Variants in TMEM156 observed in about 807,000 individuals in gnomAD.
The protein encoded by TMEM156 is transmembrane protein 156.
A neutral mutation model predicts 30.5 loss-of-function variants in TMEM156; 28 were observed. The ratio of observed to expected loss-of-function variants is 0.92; its 90% confidence interval spans 0.68 to 1.26. The LOEUF is 1.26. TMEM156 is among the 50% of genes most tolerant of loss of function. The pLI is 0.00. For missense variants in TMEM156, 351 were observed against 340.6 expected (o/e 1.03, Z -0.24); for synonymous variants, 137 against 119.9 (o/e 1.14, Z -0.93).
intron 5 of TMEM156, among the ~76,000 whole-genome samples, chr4:38,974,273 T>C (rs1282532618): frequency 6.6e-6 from 1 of 150,794 alleles, no homozygotes; most frequent in Non-Finnish European, 1.5e-5. Context: ...GGTGCCATCA[T>C]GGCTCACTGC....
chr4:38,992,721 TATAATATATATATAATATATAATATA>T (rs1560366974), intron 3 of TMEM156, among the ~76,000 whole-genome samples: 111 of 50,302 alleles, frequency 2.2e-3, no homozygotes, highest in Non-Finnish European at 3.2e-3. Context: ...ATTATATATA[TATAATATATATATAATATATAATATA>T]TTATATATAT....
At chr4:38,993,667 A>G in intron 3 of TMEM156, 71 bp downstream of exon 3, 2 of 1,365,464 alleles carry the variant, frequency 1.5e-6, no homozygotes, top group Non-Finnish European at 2.0e-6. Context: ...AGTTAATGTG[A>G]TAGCCCTTAC....
chr4:38,972,340 G>A (rs757037092), intron 5 of TMEM156, among the ~76,000 whole-genome samples: 1 of 130,854 alleles, frequency 7.6e-6, no homozygotes, highest in Non-Finnish European at 1.5e-5. Flanking sequence ...TGCAACCTCC[G>A]CCTCCTGGGT....
At chr4:39,018,032 G>C (rs73124066) in intron 1 of TMEM156, among the ~76,000 whole-genome samples, 2,472 of 152,096 alleles carry the variant, frequency 0.016, 63 homozygotes, top group African/African-American at 0.056. Context: ...TATTATTAAT[G>C]CTTCCTATTT....
intron 5 of TMEM156, among the ~76,000 whole-genome samples, 191 bp from the exon 6 acceptor site, chr4:38,971,328 C>T (rs1722587436): frequency 1.3e-5 from 2 of 152,136 alleles, no homozygotes; most frequent in African/African-American, 4.8e-5. Context: ...AACTCCTCAC[C>T]CCACGTCCTG....
At chr4:39,013,425 G>A (rs1047149317) in intron 1 of TMEM156, among the ~76,000 whole-genome samples, 3 of 150,604 alleles carry the variant, frequency 2.0e-5, no homozygotes, top group Non-Finnish European at 3.0e-5. Flanking sequence ...TTATTAAGAC[G>A]GAGTCTTGCT....
chr4:38,968,197 G>C (rs1722433798), intron 6 of TMEM156, among the ~76,000 whole-genome samples: 1 of 152,088 alleles, frequency 6.6e-6, no homozygotes, highest in African/African-American at 2.4e-5. Context: ...CAGCATGTTT[G>C]GTTTATTTTC....
chr4:39,007,204 A>G (rs547086454), intron 1 of TMEM156, among the ~76,000 whole-genome samples: 2 of 152,136 alleles, frequency 1.3e-5, no homozygotes, highest in Non-Finnish European at 2.9e-5. Context: ...TTTCCTGTAT[A>G]CAAGCTCTTA....
intron 5 of TMEM156, among the ~76,000 whole-genome samples, chr4:38,974,081 GTGTA>G (rs1411822920): frequency 6.7e-5 from 10 of 149,406 alleles, no homozygotes; most frequent in Admixed American, 2.7e-4. Flanking sequence ...GTGTGTGTGT[GTGTA>G]TGTGTGTGTG....
intron 1 of TMEM156, among the ~76,000 whole-genome samples, chr4:39,025,771 A>T (rs1715165094): frequency 6.6e-6 from 1 of 152,216 alleles, no homozygotes. Flanking sequence ...GGGTAAAAAG[A>T]CACATACCTT....
intron 1 of TMEM156, among the ~76,000 whole-genome samples, chr4:39,020,561 T>A (rs1459749281): frequency 1.3e-5 from 2 of 152,194 alleles, no homozygotes; most frequent in East Asian, 1.9e-4. Flanking sequence ...GAATTTTTTT[T>A]ATTTTTTTTG....
intron 1 of TMEM156, among the ~76,000 whole-genome samples, chr4:39,027,579 G>A (rs549369574): frequency 1.5e-5 from 2 of 135,424 alleles, no homozygotes; most frequent in South Asian, 2.4e-4. Flanking sequence ...TTTTTGAGAC[G>A]GAGTCTTGCT....
chr4:39,015,397 C>A (rs774014241), intron 1 of TMEM156, among the ~76,000 whole-genome samples: 2 of 152,068 alleles, frequency 1.3e-5, no homozygotes, highest in African/African-American at 2.4e-5. Context: ...GCAGAAGAGT[C>A]AATGTCAGAG....
chr4:38,993,470 A>T (rs1027392032), intron 3 of TMEM156, among the ~76,000 whole-genome samples: 3 of 150,150 alleles, frequency 2.0e-5, no homozygotes, highest in Non-Finnish European at 4.5e-5. Flanking sequence ...ATAAAAAAAA[A>T]TTATTCTGAG....
chr4:38,983,043 G>A (rs1711702044), intron 5 of TMEM156, among the ~76,000 whole-genome samples: 1 of 152,172 alleles, frequency 6.6e-6, no homozygotes, highest in Non-Finnish European at 1.5e-5. Flanking sequence ...ATCCTGAGGA[G>A]AGATGCAAAG....
At chr4:39,019,047 AAAC>A (rs1347771178) in intron 1 of TMEM156, among the ~76,000 whole-genome samples, 4 of 148,392 alleles carry the variant, frequency 2.7e-5, no homozygotes, top group African/African-American at 1.0e-4. Flanking sequence ...AAAAAAAAAA[AAAC>A]CTCTTCAGTT....
intron 1 of TMEM156, among the ~76,000 whole-genome samples, chr4:39,017,083 G>A (rs1045638575): frequency 6.6e-6 from 1 of 151,718 alleles, no homozygotes; most frequent in Admixed American, 6.6e-5. Context: ...CCTCCACCTG[G>A]TCCCACCCTT....
chr4:38,993,699 G>C, intron 3 of TMEM156, 39 bp downstream of exon 3: 1 of 1,576,304 alleles, frequency 6.3e-7, no homozygotes, highest in Non-Finnish European at 8.7e-7. Flanking sequence ...TATCTATATC[G>C]GATAACTCCT....
At chr4:39,011,354 C>G (rs142565254) in intron 1 of TMEM156, among the ~76,000 whole-genome samples, 1 of 152,194 alleles carries the variant, frequency 6.6e-6, no homozygotes, top group African/African-American at 2.4e-5. Flanking sequence ...TCTGAAAGAA[C>G]TGAAAATAGA....
Sources: allele counts gnomAD v4.1 joint callset (sites outside exome capture counted in the v4.1 genomes callset), GRCh38; gene constraint gnomAD v4.1.1; transcripts MANE v1.5; gene names NCBI Gene and HGNC (gene_info 2026-07-23, HGNC 2026-07-21).